Variants in NPNT observed in about 807,000 individuals in gnomAD.
NPNT encodes nephronectin.
Under a neutral mutation model 68.6 loss-of-function variants are expected in NPNT, and 45 were observed. The ratio of observed to expected loss-of-function variants is 0.66; its 90% CI spans 0.52 to 0.84. NPNT has a LOEUF of 0.84. Among genes scored for constraint, NPNT ranks in the 40% least tolerant of loss-of-function variants. NPNT has a pLI of 0.00. For synonymous variants in NPNT, 233 were observed against 253.3 expected, an observed-to-expected ratio of 0.92 and a Z score of 0.76; for missense variants, 672 against 714.8, an observed-to-expected ratio of 0.94 and a Z score of 0.68.
chr4:105,967,959 G>A (rs958554327), intron 11 of NPNT, among the ~76,000 whole-genome samples: 9 of 152,222 alleles, frequency 5.9e-5, no homozygotes, highest in South Asian at 4.1e-4. Flanking sequence ...ACTACAATTG[G>A]AAAGCACTAT....
intron 7 of NPNT, among the ~76,000 whole-genome samples, chr4:105,941,276 G>A (rs1159732640): frequency 6.6e-6 from 1 of 152,032 alleles, no homozygotes. Flanking sequence ...GGGATCTTAA[G>A]ACTGCCATGA....
At chr4:105,906,773 A>T (rs28436135) in intron 2 of NPNT, among the ~76,000 whole-genome samples, 3,086 of 152,330 alleles carry the variant, frequency 0.02, 105 homozygotes, top group African/African-American at 0.069. Context: ...GGCTCCAGTA[A>T]AAGGAGGATC....
chr4:105,943,489 T>C (rs1211917316), intron 8 of NPNT, among the ~76,000 whole-genome samples: 1 of 152,142 alleles, frequency 6.6e-6, no homozygotes, highest in Non-Finnish European at 1.5e-5. Context: ...TGGGGCTGGA[T>C]TAGATCAAAG....
Position 105,955,747 on chromosome 4 carries a change from G to C in NPNT, c.1160-2724G>C, listed in dbSNP as rs575633609. On this transcript the variant is annotated intron_variant, in intron 8 of 11. Transcript: ENST00000379987. Reference sequence around the variant, plus strand: ...TTGTGATAATAACATAATACTGCTTGAATGATTTGTTCTGCTACTTATTTC... The same window carrying C: ...TTGTGATAATAACATAATACTGCTTCAATGATTTGTTCTGCTACTTATTTC... Among the ~76,000 whole-genome samples the C allele has an allele frequency of 6.6e-5, 10 of 151,780 alleles. No individual in the cohort carries two copies. The South Asian group carries it at 1.7e-3, about 25-fold the overall frequency.
intron 7 of NPNT, among the ~76,000 whole-genome samples, 184 bp from the exon 8 acceptor site, chr4:105,942,111 GTGTGTATATATA>G (rs1730008680): frequency 7.2e-6 from 1 of 138,170 alleles, no homozygotes; most frequent in African/African-American, 2.8e-5. Flanking sequence ...GTGTCTGTGT[GTGTGTATATATA>G]TATATATATA....
In NPNT at chr4:105,931,268, A is replaced by G. The variant is rs184432546; in HGVS notation, c.265+3840A>G. On this transcript the variant is annotated intron_variant, in intron 3 of 11. Coordinates refer to ENST00000379987, the MANE Select transcript of NPNT (RefSeq NM_001033047.3). Reference sequence around the variant, plus strand: ...CTGCATATTCTCAGAAATGAAAGACATTCTTAGGAATTTACAGTGTACTTT... The same window carrying G: ...CTGCATATTCTCAGAAATGAAAGACGTTCTTAGGAATTTACAGTGTACTTT... Among the ~76,000 whole-genome samples the G allele has an allele frequency of 8.7e-3, 1,330 of 152,304 alleles. 10 individuals carry two copies. The highest frequency in any genetic ancestry group is 0.013 in the Non-Finnish European group (851 of 68,020).
chr4:105,946,667 G>T (rs1438010036), intron 8 of NPNT, among the ~76,000 whole-genome samples: 5 of 152,026 alleles, frequency 3.3e-5, no homozygotes, highest in Non-Finnish European at 7.4e-5. Context: ...ACAGGGAGTG[G>T]GTCGCAAGAT....
intron 2 of NPNT, among the ~76,000 whole-genome samples, chr4:105,904,611 G>A (rs892519676): frequency 6.6e-6 from 1 of 152,102 alleles, no homozygotes; most frequent in African/African-American, 2.4e-5. Flanking sequence ...TCATTTACTT[G>A]TAAGAAAGAG....
chr4:105,929,428 A>T (rs922957213), intron 3 of NPNT: 1 of 152,148 alleles, frequency 6.6e-6, no homozygotes, highest in African/African-American at 2.4e-5. Context: ...GATTTTCCCA[A>T]TGCTTGTTTT....
At chr4:105,950,669 C>T (rs1192688686) in intron 8 of NPNT, among the ~76,000 whole-genome samples, 1 of 152,090 alleles carries the variant, frequency 6.6e-6, no homozygotes, top group Non-Finnish European at 1.5e-5. Flanking sequence ...GTCCCCAACA[C>T]TCAACCTTTT....
In NPNT at chr4:105,971,097, ATTT is replaced by A. The variant is rs553757784; in HGVS notation, c.*2118_*2120del. 19 of 383,626 alleles carry A rather than the reference ATTT, an allele frequency of 5.0e-5. No homozygotes were observed. The highest frequency in any genetic ancestry group is 3.8e-4 in the Middle Eastern group (1 of 2,620). The allele number at this position is 383,626 out of a possible 1,614,324, so 23.8% of individuals were successfully genotyped here. A position where few individuals can be genotyped will look rare whatever the true frequency, so the allele number is the denominator to read the frequency against. On this transcript the variant is annotated 3_prime_UTR_variant, in exon 12 of 12. Coordinates refer to ENST00000379987, the MANE Select transcript of NPNT (RefSeq NM_001033047.3). Reference sequence around the variant, plus strand: ...ATTTGTTCAATGGATGATGTTTCAGATTTTTTTTTTTTTAAGAGATCCTTCAAG... The same window carrying A: ...ATTTGTTCAATGGATGATGTTTCAGATTTTTTTTTTAAGAGATCCTTCAAG...
intron 2 of NPNT, among the ~76,000 whole-genome samples, chr4:105,899,688 A>T (rs1726238187): frequency 6.6e-6 from 1 of 152,230 alleles, no homozygotes; most frequent in African/African-American, 2.4e-5. Context: ...TTTCTATGTT[A>T]CAGTGAAATA....
chr4:105,963,153 A>G (rs1427131602), intron 10 of NPNT, among the ~76,000 whole-genome samples: 1 of 152,110 alleles, frequency 6.6e-6, no homozygotes, highest in Non-Finnish European at 1.5e-5. Context: ...TGAGCCTGGG[A>G]GGCAGAGCTT....
At chr4:105,929,562 CA>C (rs1341472703) in intron 3 of NPNT, 1 of 152,154 alleles carries the variant, frequency 6.6e-6, no homozygotes, top group Admixed American at 6.5e-5. Context: ...TCTTCCCCAG[CA>C]TAAGTTTGCA....
chr4:105,942,405 C>T lies in NPNT; in HGVS notation c.862C>T (p.Pro288Ser). 1.2e-6 allele frequency: 2 copies of T among 1,613,782 alleles called. No homozygotes were observed. Among genetic ancestry groups the T allele is most frequent in the Non-Finnish European group, 1.7e-6 (2 of 1,179,842 alleles). Residue 288 changes from proline to serine, a missense_variant, in exon 8 of 12, where the codon CCT (proline) becomes TCT (serine). Coordinates refer to ENST00000379987, the MANE Select transcript of NPNT (RefSeq NM_001033047.3). ...TGACACAGGAAATAATAATTGGATT[C>T]CTGATGTTGGAAGTACTTGGTGGCC... ...KGDTGNNNWI[P>S]DVGSTWWPPK...
In NPNT at chr4:105,960,052, T is replaced by C. The variant is rs541503302; in HGVS notation, c.1345+926T>C. Among the ~76,000 whole-genome samples the C allele has an allele frequency of 4.6e-5, 7 of 152,148 alleles. No individual in the cohort carries two copies. In the South Asian group the frequency reaches 8.3e-4, roughly 18 times the overall value. On this transcript the variant is annotated intron_variant, in intron 10 of 11. Transcript: ENST00000379987. Reference sequence around the variant, plus strand: ...GTCTCGATCTCCTGACCTCGTGATCTGCCCGCCTTGGCCTCCCAAAGTGCT... The same window carrying C: ...GTCTCGATCTCCTGACCTCGTGATCCGCCCGCCTTGGCCTCCCAAAGTGCT...
intron 2 of NPNT, chr4:105,912,726 A>G (rs1218645429): frequency 5.2e-6 from 1 of 191,918 alleles, no homozygotes; most frequent in Non-Finnish European, 9.6e-6. Context: ...CTCTTGTTTT[A>G]GGTACATAAA....
At chr4:105,945,348 C>G (rs1730296030) in intron 8 of NPNT, among the ~76,000 whole-genome samples, 1 of 152,032 alleles carries the variant, frequency 6.6e-6, no homozygotes, top group African/African-American at 2.4e-5. Context: ...CAGCCCAGAC[C>G]TCTCCCCCAA....
chr4:105,930,237 AT>A (rs1221186719), intron 3 of NPNT, among the ~76,000 whole-genome samples: 1 of 152,238 alleles, frequency 6.6e-6, no homozygotes, highest in Non-Finnish European at 1.5e-5. Context: ...CCTGAAAACT[AT>A]TATTAAAGTG....
Sources: gnomAD v4.1 joint callset for allele counts (sites outside exome capture counted in the v4.1 genomes callset) on GRCh38, gnomAD v4.1.1 for gene constraint, MANE v1.5 for transcripts, NCBI Gene and HGNC (gene_info 2026-07-23, HGNC 2026-07-21) for gene names.